The following USP40 variants were observed in gnomAD, a reference collection of about 807,000 sequenced individuals.
USP40 encodes ubiquitin specific peptidase 40.
USP40 carries 143 observed loss-of-function variants against 166.2 expected under a neutral mutation model. The observed-to-expected ratio is 0.86, with a 90% CI of 0.75 to 0.99. USP40 has a LOEUF of 0.99. USP40 is among the 50% of genes least tolerant of loss of function. The pLI is 0.00. For missense variants in USP40, 1,444 were observed against 1,479.7 expected (o/e 0.98, Z 0.40); for synonymous variants, 498 against 524.0 (o/e 0.95, Z 0.68).
chr2:233,556,680 T>C, intron 5 of USP40, 175 bp downstream of exon 5: 1 of 474,534 alleles, frequency 2.1e-6, no homozygotes, highest in East Asian at 3.7e-5. Flanking sequence ...TCAATCTACA[T>C]GGAGAAATCT....
At chr2:233,499,812 G>GAA in intron 22 of USP40, 67 bp downstream of exon 22, 3 of 1,427,784 alleles carry the variant, frequency 2.1e-6, no homozygotes, top group East Asian at 2.4e-5. Context: ...CAACCCTGGA[G>GAA]AAAAAAAAAG....
chr2:233,484,643 G>A (rs1449320077), intron 30 of USP40, among the ~76,000 whole-genome samples: 5 of 151,736 alleles, frequency 3.3e-5, no homozygotes, highest in Non-Finnish European at 5.9e-5. Context: ...TACCACACCC[G>A]GCTAATTTTT....
At chr2:233,498,677 C>A in intron 22 of USP40, 65 bp from the exon 23 acceptor site, 1 of 1,365,548 alleles carries the variant, frequency 7.3e-7, no homozygotes, top group Non-Finnish European at 1.0e-6. Context: ...CGTGTAACTT[C>A]TAGAAGAATG....
chr2:233,554,604 G>C, intron 5 of USP40, 78 bp from the exon 6 acceptor site: 1 of 1,140,714 alleles, frequency 8.8e-7, no homozygotes, highest in East Asian at 2.7e-5. Context: ...ATATATATTG[G>C]GAATAATCAG....
At chr2:233,490,159 CCTT>C (rs1209660375) in intron 26 of USP40, among the ~76,000 whole-genome samples, 2 of 145,872 alleles carry the variant, frequency 1.4e-5, no homozygotes, top group Non-Finnish European at 3.0e-5. Context: ...TTTCTTTTCT[CCTT>C]TTTTTTTTTT....
Position 233,481,121 on chromosome 2 carries a change from C to T in USP40, c.3599+82G>A. On this transcript the variant is annotated intron_variant, in intron 31 of 31. Transcript: ENST00000678225. ...CTCTGAATCAACAAGAGTTTCCGGT[C>T]CCTCTCAGTTTCCAAGCAGGAATAA... 4 of 1,328,964 alleles carry T rather than the reference C, an allele frequency of 3.0e-6. No homozygotes were observed. The South Asian group carries it at 4.0e-5, about 13-fold the overall frequency. The allele number at this position is 1,328,964 out of a possible 1,614,324, so 82.3% of individuals were successfully genotyped here. A position where few individuals can be genotyped will look rare whatever the true frequency, so the allele number is the denominator to read the frequency against.
chr2:233,490,293 G>A (rs1052270998), intron 26 of USP40, among the ~76,000 whole-genome samples: 2 of 150,498 alleles, frequency 1.3e-5, no homozygotes, highest in Non-Finnish European at 3.0e-5. Context: ...CCTCCGAGTA[G>A]CTGGGATTAC....
chr2:233,495,371 G>A (rs553440852), intron 24 of USP40, among the ~76,000 whole-genome samples: 4 of 151,438 alleles, frequency 2.6e-5, no homozygotes, highest in African/African-American at 9.7e-5. Flanking sequence ...TTGAAATTAA[G>A]TGTTGTAACA....
At chr2:233,515,407 A>G (rs1458721627) in intron 18 of USP40, among the ~76,000 whole-genome samples, 3 of 152,086 alleles carry the variant, frequency 2.0e-5, no homozygotes, top group African/African-American at 4.8e-5. Flanking sequence ...TTTAAGTTTT[A>G]TTTACTCCAC....
chr2:233,510,392 CTTTTTTTTTT>C (rs1158427662), intron 20 of USP40, among the ~76,000 whole-genome samples: 24 of 68,690 alleles, frequency 3.5e-4, no homozygotes, highest in African/African-American at 9.5e-4. Context: ...CTTTTTCTTT[CTTTTTTTTTT>C]TTTTTTTTTT....
rs999229472 is a variant in USP40 at position 233,510,048 on chromosome 2, C to T, written c.2613+1G>A. The T allele has an allele frequency of 7.6e-6, 12 of 1,579,368 alleles. No homozygotes were observed. The Admixed American group carries it at 2.0e-4, about 26-fold the overall frequency. On this transcript the variant is annotated splice_donor_variant, in intron 21 of 31. Coordinates refer to ENST00000678225, the MANE Select transcript of USP40 (RefSeq NM_001365479.2). LOFTEE classifies it high-confidence loss of function. Reference sequence around the variant, plus strand: ...TGAAAACAAAAGGTAAAATTACTTACATCTCTCACAGATATTGTTTCTTCT... The same window carrying T: ...TGAAAACAAAAGGTAAAATTACTTATATCTCTCACAGATATTGTTTCTTCT...
At chr2:233,542,470 G>C in intron 8 of USP40, 107 bp from the exon 9 acceptor site, 2 of 643,078 alleles carry the variant, frequency 3.1e-6, no homozygotes, top group Non-Finnish European at 5.2e-6. Flanking sequence ...CAGCAATTTG[G>C]GAGGCCGAGG....
Position 233,552,668 on chromosome 2 carries a change from G to A in USP40, c.694-1149C>T, listed in dbSNP as rs74453696. Among the ~76,000 whole-genome samples the A allele has an allele frequency of 6.9e-3, 1,054 of 152,156 alleles. 9 individuals are homozygous for A. Among genetic ancestry groups the A allele is most frequent in the African/African-American group, 0.024 (982 of 41,494 alleles). On this transcript the variant is annotated intron_variant, in intron 6 of 31. Coordinates refer to ENST00000678225, the MANE Select transcript of USP40 (RefSeq NM_001365479.2). ...AGCAAATGATAAACCTCTCTCTTTG[G>A]GTTTGATGAAGGGGCAAAAACTGGA...
chr2:233,498,484 C>T, intron 23 of USP40, 64 bp downstream of exon 23: 1 of 1,455,696 alleles, frequency 6.9e-7, no homozygotes, highest in South Asian at 1.2e-5. Context: ...GGAATGGGTA[C>T]CTTGTACGAA....
At chr2:233,554,274 C>T in intron 6 of USP40, 106 bp downstream of exon 6, 1 of 1,164,494 alleles carries the variant, frequency 8.6e-7, no homozygotes, top group South Asian at 2.7e-5. Context: ...CTTTTCAATC[C>T]TTAGTGTCAA....
intron 5 of USP40, among the ~76,000 whole-genome samples, chr2:233,555,327 A>G (rs796097046): frequency 1.3e-5 from 2 of 152,358 alleles, no homozygotes; most frequent in African/African-American, 4.8e-5. Context: ...ATAAGCACTT[A>G]CAATTTGGCA....
intron 12 of USP40, among the ~76,000 whole-genome samples, chr2:233,528,207 G>T (rs1278160300): frequency 6.6e-6 from 1 of 152,102 alleles, no homozygotes; most frequent in Non-Finnish European, 1.5e-5. Context: ...TTGAACTCCT[G>T]ATCTCAGGTG....
At chr2:233,506,671 G>A (rs1215819822) in intron 21 of USP40, among the ~76,000 whole-genome samples, 1 of 145,544 alleles carries the variant, frequency 6.9e-6, no homozygotes, top group Non-Finnish European at 1.5e-5. Context: ...GAGATGGGCA[G>A]ATCACTTGAG....
intron 14 of USP40, 41 bp downstream of exon 14, chr2:233,525,437 G>GATTAT: frequency 1.3e-6 from 2 of 1,501,902 alleles, no homozygotes; most frequent in African/African-American, 2.8e-5. Flanking sequence ...CAAAAATGTA[G>GATTAT]ATATATAGAG....
Sources: gnomAD v4.1 joint callset for allele counts (sites outside exome capture counted in the v4.1 genomes callset) on GRCh38, gnomAD v4.1.1 for gene constraint, MANE v1.5 for transcripts, NCBI Gene and HGNC (gene_info 2026-07-23, HGNC 2026-07-21) for gene names.